Variants in CNRIP1 observed in about 807,000 individuals in gnomAD.
CNRIP1 encodes cannabinoid receptor interacting protein 1.
A neutral mutation model predicts 15.2 loss-of-function variants in CNRIP1; 10 were observed. That is an observed-to-expected ratio of 0.66 (90% CI 0.41 to 1.12). The LOEUF is 1.12. Among genes scored for constraint, CNRIP1 ranks in the 50% most tolerant of loss-of-function variants. The probability of loss-of-function intolerance (pLI) is 0.00; values close to 1 mark genes in which losing one functional copy is unlikely to be tolerated. For synonymous variants in CNRIP1, 91 were observed against 83.2 expected, an observed-to-expected ratio of 1.09 and a Z score of -0.51; for missense variants, 211 against 214.7, an observed-to-expected ratio of 0.98 and a Z score of 0.11.
At chr2:68,286,344 ACT>A (rs1671032264) in intron 2 of CNRIP1, among the ~76,000 whole-genome samples, 1 of 146,744 alleles carries the variant, frequency 6.8e-6, no homozygotes, top group African/African-American at 2.5e-5. Flanking sequence ...ACACACACAC[ACT>A]CATATACACA....
rs1326052372 is a variant in CNRIP1 at position 68,319,769 on chromosome 2, C to T, written c.-369G>A. The stretch of plus-strand genomic sequence containing the variant: ...GGCGAGGGAGTTAATCCTGTTTACG[C>T]ACCACAATCCCCTTCAGCTGGGGAA... On this transcript the variant is annotated 5_prime_UTR_variant, in exon 1 of 3. Transcript: ENST00000263655. 1 of 199,880 alleles carries T rather than the reference C, an allele frequency of 5.0e-6. No homozygotes were observed. The allele number at this position is 199,880 out of a possible 1,614,324, so 12.4% of individuals were successfully genotyped here. A position where few individuals can be genotyped will look rare whatever the true frequency, so the allele number is the denominator to read the frequency against.
At chr2:68,296,236 A>G (rs1671352284) in intron 2 of CNRIP1, among the ~76,000 whole-genome samples, 1 of 152,218 alleles carries the variant, frequency 6.6e-6, no homozygotes, top group Non-Finnish European at 1.5e-5. Flanking sequence ...AATACCATGA[A>G]GAACATGAAG....
At chr2:68,287,535 T>C (rs1194581581) in intron 2 of CNRIP1, among the ~76,000 whole-genome samples, 1 of 152,272 alleles carries the variant, frequency 6.6e-6, no homozygotes, top group Non-Finnish European at 1.5e-5. Flanking sequence ...ACTTATGCTA[T>C]GGGTCCAACA....
At chr2:68,291,349 T>G (rs1671163934), downstream of CNRIP1, among the ~76,000 whole-genome samples, 1 of 151,964 alleles carries the variant, frequency 6.6e-6, no homozygotes, top group East Asian at 1.9e-4. Flanking sequence ...CTTAAAAGGC[T>G]TCAGAATTCT....
intron 2 of CNRIP1, chr2:68,315,910 G>A (rs1672251309): frequency 6.6e-6 from 1 of 152,068 alleles, no homozygotes; most frequent in Non-Finnish European, 1.5e-5. Context: ...TATATTCAAA[G>A]ACATAGAAAC....
At chr2:68,315,480 G>T (rs984308627) in intron 2 of CNRIP1, among the ~76,000 whole-genome samples, 2 of 152,082 alleles carry the variant, frequency 1.3e-5, no homozygotes, top group African/African-American at 4.8e-5. Flanking sequence ...AGTACTCAGT[G>T]ATTTGTAATG....
chr2:68,310,676 G>A (rs1190271614), intron 2 of CNRIP1, among the ~76,000 whole-genome samples: 1 of 149,612 alleles, frequency 6.7e-6, no homozygotes, highest in Middle Eastern at 3.2e-3. Context: ...CAAAAATTAC[G>A]AGACATGTAA....
intron 2 of CNRIP1, among the ~76,000 whole-genome samples, chr2:68,287,814 C>A (rs1244050388): frequency 2.0e-5 from 3 of 152,186 alleles, no homozygotes; most frequent in Non-Finnish European, 2.9e-5. Flanking sequence ...ATTTGGTAAG[C>A]AGCACAAGTA....
rs1402573545 is a variant in CNRIP1, at chr2:68,317,261, T to C, written c.226A>G (p.Lys76Glu). ...ACAACTCTGTCCCCATCAGGCTCTT[T>C]AGACTTCAGTTCCAGTGGGACAAGC... ...GVLVPLELKS[K>E]EPDGDRVVYT... Residue 76 changes from lysine to glutamate, a missense_variant, in exon 2 of 3, where the codon AAA becomes GAA. By Grantham distance (56) the Lys-to-Glu change is moderately conservative. Transcript: ENST00000263655. The C allele has an allele frequency of 6.2e-7, 1 of 1,614,072 alleles. No individual in the cohort carries two copies. Among genetic ancestry groups the C allele is most frequent in the East Asian group, 2.2e-5 (1 of 44,900 alleles).
chr2:68,300,971 A>G (rs919761793), intron 2 of CNRIP1, among the ~76,000 whole-genome samples: 3 of 152,366 alleles, frequency 2.0e-5, no homozygotes, highest in East Asian at 3.9e-4. Context: ...TGATAAATTC[A>G]GACATATAAG....
At chr2:68,297,758 G>A (rs1671433021) in intron 2 of CNRIP1, among the ~76,000 whole-genome samples, 1 of 152,022 alleles carries the variant, frequency 6.6e-6, no homozygotes, top group African/African-American at 2.4e-5. Flanking sequence ...TGAAAATGGT[G>A]GCATATCCAT....
At position 68,293,732 on chromosome 2, in the gene CNRIP1, A is replaced by C. The variant is rs1226965766; in HGVS notation, c.*130T>G. On this transcript the variant is annotated 3_prime_UTR_variant, in exon 3 of 3. Transcript: ENST00000263655. ...GGGGAATTACACTTTCAAAATAACC[A>C]GGGCTAGTAGGTCATTAGTACCAGA... is the stretch of plus-strand genomic sequence containing the variant. 1 of 1,462,898 alleles carries C rather than the reference A, an allele frequency of 6.8e-7. No homozygotes were observed. Among genetic ancestry groups the C allele is most frequent in the Non-Finnish European group, 9.0e-7 (1 of 1,106,048 alleles). The allele number at this position is 1,462,898 out of a possible 1,614,324, so 90.6% of individuals were successfully genotyped here. A position where few individuals can be genotyped will look rare whatever the true frequency, so the allele number is the denominator to read the frequency against.
chr2:68,293,556 C>T lies in CNRIP1; in HGVS notation c.*306G>A. On this transcript the variant is annotated 3_prime_UTR_variant, in exon 3 of 3. Transcript: ENST00000263655. ...GTCAGTGGAATGGTCAAGAGCAGGA[C>T]AAGCCTGCCAGGGCCACTGAACTCC... 9.4e-7 allele frequency: 1 copy of T among 1,069,246 alleles called. No homozygotes were observed. The highest frequency in any genetic ancestry group is 1.1e-6 in the Non-Finnish European group (1 of 880,198). The allele number at this position is 1,069,246 out of a possible 1,614,324, so 66.2% of individuals were successfully genotyped here. A position where few individuals can be genotyped will look rare whatever the true frequency, so the allele number is the denominator to read the frequency against.
rs774341848 is a variant in CNRIP1 at position 68,319,350 on chromosome 2, C to G, written c.51G>C (p.Gln17His). 2 of 1,582,398 alleles carry G rather than the reference C, an allele frequency of 1.3e-6. No individual in the cohort carries two copies. Among genetic ancestry groups the G allele is most frequent in the Non-Finnish European group, 1.7e-6 (2 of 1,164,780 alleles). ...LVRLSIALRI[Q>H]PNDGPVFYKV... is the part of the protein sequence containing the mutation. ...TGTAAAAGACCGGGCCGTCATTAGG[C>G]TGGATGCGCAGCGCGATGGAGAGGC... is the stretch of plus-strand genomic sequence containing the variant. Residue 17 changes from glutamine to histidine, a missense_variant, in exon 1 of 3, where the codon CAG (glutamine) becomes CAC (histidine). Gln to His is a conservative substitution (Grantham distance 24). Coordinates refer to ENST00000263655, the MANE Select transcript of CNRIP1 (RefSeq NM_015463.3).
chr2:68,302,365 C>T (rs74509955), intron 2 of CNRIP1, among the ~76,000 whole-genome samples: 3,540 of 152,288 alleles, frequency 0.023, 137 homozygotes, highest in African/African-American at 0.081. Flanking sequence ...TCCAAACTCT[C>T]ACCAGTCTCC....
chr2:68,312,418 T>G (rs1048379259), intron 2 of CNRIP1, among the ~76,000 whole-genome samples: 1 of 152,180 alleles, frequency 6.6e-6, no homozygotes, highest in African/African-American at 2.4e-5. Flanking sequence ...AATACGTTCA[T>G]GATTAAAAAA....
exon 3 of CNRIP1, chr2:68,284,374 G>A (rs1199968285): frequency 1.3e-5 from 13 of 971,844 alleles, no homozygotes; most frequent in Admixed American, 3.7e-5. Context: ...AAATAATTTG[G>A]AAAAAAAAAA....
At chr2:68,307,579 T>C (rs1332597023) in intron 2 of CNRIP1, among the ~76,000 whole-genome samples, 1 of 152,158 alleles carries the variant, frequency 6.6e-6, no homozygotes, top group Non-Finnish European at 1.5e-5. Flanking sequence ...TCTTGCCTTG[T>C]CCTCCCAAAG....
intron 2 of CNRIP1, among the ~76,000 whole-genome samples, chr2:68,314,835 C>A (rs553957742): frequency 9.0e-4 from 137 of 151,980 alleles, no homozygotes; most frequent in Non-Finnish European, 1.6e-3. Context: ...ACACTGTGGG[C>A]AAATACTTTC....
Sources: allele counts gnomAD v4.1 joint callset (sites outside exome capture counted in the v4.1 genomes callset), GRCh38; gene constraint gnomAD v4.1.1; transcripts MANE v1.5; gene names NCBI Gene and HGNC (gene_info 2026-07-23, HGNC 2026-07-21).